The following PAFAH1B2 variants were observed in gnomAD, a reference collection of about 807,000 sequenced individuals.
PAFAH1B2 encodes platelet-activating factor acetylhydrolase IB subunit alpha2.
A neutral mutation model predicts 28.0 loss-of-function variants in PAFAH1B2; 8 were observed. The ratio of observed to expected loss-of-function variants is 0.29; its 90% CI spans 0.17 to 0.52. PAFAH1B2 has a LOEUF of 0.52. Ranked by LOEUF, PAFAH1B2 falls within the 20% of genes least tolerant of loss-of-function variation. The pLI, the probability that PAFAH1B2 is intolerant of heterozygous loss-of-function variation, is 0.97. For synonymous variants in PAFAH1B2, 104 were observed against 103.2 expected (o/e 1.01, Z -0.05); for missense variants, 190 against 282.6 (o/e 0.67, Z 2.35).
chr11:117,159,094 GAATAC>G (rs1213648154), intron 2 of PAFAH1B2, among the ~76,000 whole-genome samples: 1 of 152,182 alleles, frequency 6.6e-6, no homozygotes, highest in Non-Finnish European at 1.5e-5. Context: ...ATTAGTTGTT[GAATAC>G]AAGAGGCAGA....
chr11:117,175,834 G>A (rs922346700), downstream of PAFAH1B2: 125 of 1,384,916 alleles, frequency 9.0e-5, no homozygotes, highest in Non-Finnish European at 1.1e-4. Context: ...GAGAGGCTGT[G>A]GCAGATCGCT....
chr11:117,145,790 A>G (rs1955989741), intron 1 of PAFAH1B2, among the ~76,000 whole-genome samples: 1 of 152,174 alleles, frequency 6.6e-6, no homozygotes, highest in Non-Finnish European at 1.5e-5. Context: ...TTCTTGGTTC[A>G]ACTTTCTTCA....
downstream of PAFAH1B2, chr11:117,171,047 T>A: frequency 2.9e-6 from 3 of 1,028,932 alleles, no homozygotes; most frequent in South Asian, 1.4e-4. Flanking sequence ...TTTGCTCAAT[T>A]TGCTGGTGTC....
chr11:117,165,867 T>C (rs541651992), intron 5 of PAFAH1B2, among the ~76,000 whole-genome samples: 1 of 147,252 alleles, frequency 6.8e-6, no homozygotes, highest in South Asian at 2.1e-4. Context: ...TGAGATGGAG[T>C]CTCGCTCTAC....
chr11:117,172,206 C>G (rs1190902344), downstream of PAFAH1B2, among the ~76,000 whole-genome samples: 1 of 151,978 alleles, frequency 6.6e-6, no homozygotes, highest in Non-Finnish European at 1.5e-5. Flanking sequence ...ATTTTCCAGC[C>G]ATGGCAGAGA....
rs1956636295 is a variant in PAFAH1B2 at position 117,170,866 on chromosome 11, A to C, written c.*3167A>C. The C allele has an allele frequency of 2.8e-6, 3 of 1,060,630 alleles. No homozygotes were observed. Among genetic ancestry groups the C allele is most frequent in the Non-Finnish European group, 3.4e-6 (3 of 876,268 alleles). 65.7% of individuals were successfully genotyped at this position (1,060,630 alleles called of 1,614,324 possible). A position where few individuals can be genotyped will look rare whatever the true frequency, so the allele number is the denominator to read the frequency against. On this transcript the variant is annotated 3_prime_UTR_variant, in exon 6 of 6. Coordinates refer to ENST00000527958, the MANE Select transcript of PAFAH1B2 (RefSeq NM_002572.4). Reference sequence around the variant, plus strand: ...AAGTGAGTTAGGGCCTCTTGAAAGGAGGCTTTTTGGAGAGGGGTCCCCCAG... The same window carrying C: ...AAGTGAGTTAGGGCCTCTTGAAAGGCGGCTTTTTGGAGAGGGGTCCCCCAG...
At chr11:117,162,294 T>C (rs1490156426) in intron 4 of PAFAH1B2, among the ~76,000 whole-genome samples, 1 of 152,100 alleles carries the variant, frequency 6.6e-6, no homozygotes, top group African/African-American at 2.4e-5. Context: ...CCACCATGCT[T>C]AGCTAATTTT....
Position 117,169,560 on chromosome 11 carries a change from T to A in PAFAH1B2, c.*1861T>A. 9.5e-7 allele frequency: 1 copy of A among 1,055,888 alleles called. No individual in the cohort carries two copies. Among genetic ancestry groups the A allele is most frequent in the African/African-American group, 1.6e-5 (1 of 60,646 alleles). The allele number at this position is 1,055,888 out of a possible 1,614,324, so 65.4% of individuals were successfully genotyped here. A position where few individuals can be genotyped will look rare whatever the true frequency, so the allele number is the denominator to read the frequency against. ...GATGAACCTTGGGCTCATTTTTTTC[T>A]TGTGAAGTCTCTTTCTAGAAAATTT... is the stretch of plus-strand genomic sequence containing the variant. On this transcript the variant is annotated 3_prime_UTR_variant, in exon 6 of 6. Transcript: ENST00000527958.
chr11:117,170,330 C>T lies in PAFAH1B2; in HGVS notation c.*2631C>T. Reference sequence around the variant, plus strand: ...CTTCCTCTCCCAGCAAATTTGTATTCCTTCGCCCACGCATTCCTGCTATAC... The same window carrying T: ...CTTCCTCTCCCAGCAAATTTGTATTTCTTCGCCCACGCATTCCTGCTATAC... On this transcript the variant is annotated 3_prime_UTR_variant, in exon 6 of 6. Transcript: ENST00000527958. 9.4e-7 allele frequency: 1 copy of T among 1,061,180 alleles called. No homozygotes were observed. Among genetic ancestry groups the T allele is most frequent in the Non-Finnish European group, 1.1e-6 (1 of 877,606 alleles). The allele number at this position is 1,061,180 out of a possible 1,614,324, so 65.7% of individuals were successfully genotyped here.
downstream of PAFAH1B2, chr11:117,175,746 C>T (rs2029942668): frequency 5.7e-6 from 6 of 1,060,036 alleles, no homozygotes; most frequent in South Asian, 1.1e-4. Flanking sequence ...GCGTTTAAAA[C>T]AGGCGTAGGG....
intron 1 of PAFAH1B2, among the ~76,000 whole-genome samples, chr11:117,151,838 C>G (rs2134175777): frequency 6.6e-6 from 1 of 152,234 alleles, no homozygotes; most frequent in East Asian, 1.9e-4. Flanking sequence ...TCCCAAGTAG[C>G]TGGGACTACA....
intron 4 of PAFAH1B2, 21 bp from the exon 5 acceptor site, chr11:117,163,749 C>G: frequency 6.2e-7 from 1 of 1,611,600 alleles, no homozygotes; most frequent in Non-Finnish European, 8.5e-7. Flanking sequence ...TCTCCTTCCC[C>G]CCTTTTTTCT....
At chr11:117,175,050 T>TCTG, downstream of PAFAH1B2, 1 of 1,327,660 alleles carries the variant, frequency 7.5e-7, no homozygotes. Flanking sequence ...CAGCTGTGTG[T>TCTG]TGAATGGTCC....
At chr11:117,159,852 A>T in intron 2 of PAFAH1B2, 82 bp from the exon 3 acceptor site, 1 of 965,706 alleles carries the variant, frequency 1.0e-6, no homozygotes, top group Non-Finnish European at 1.7e-6. Context: ...TGGCCTCCCA[A>T]AATGTTGAGA....
chr11:117,145,314 T>G (rs573340349), intron 1 of PAFAH1B2, among the ~76,000 whole-genome samples: 5 of 152,280 alleles, frequency 3.3e-5, no homozygotes, highest in African/African-American at 9.6e-5. Flanking sequence ...TTTCAGAATT[T>G]ATACACAAAC....
downstream of PAFAH1B2, among the ~76,000 whole-genome samples, chr11:117,177,084 C>T (rs1304490901): frequency 6.6e-6 from 1 of 152,024 alleles, no homozygotes; most frequent in African/African-American, 2.4e-5. Context: ...GGCACATGGC[C>T]TGTAATCCCA....
At chr11:117,147,761 A>G (rs753946288) in intron 1 of PAFAH1B2, among the ~76,000 whole-genome samples, 2 of 152,240 alleles carry the variant, frequency 1.3e-5, no homozygotes, top group Non-Finnish European at 2.9e-5. Flanking sequence ...ATACTTTGCC[A>G]TTGTAGGGGA....
Position 117,149,114 on chromosome 11 carries a change from C to T in PAFAH1B2, c.-7-3327C>T, listed in dbSNP as rs12279830. 9.1e-3 allele frequency among the ~76,000 whole-genome samples: 1,362 copies of T among 150,024 alleles called. 25 individuals are homozygous for T. Among genetic ancestry groups the T allele is most frequent in the African/African-American group, 0.032 (1,293 of 40,808 alleles). ...GTCAGGCTGGTCTTGAACTTCTGACCTCAGGTAATCTACCTGCCTCGGGCT... is the reference window on the plus strand; with the variant it reads ...GTCAGGCTGGTCTTGAACTTCTGACTTCAGGTAATCTACCTGCCTCGGGCT... On this transcript the variant is annotated intron_variant, in intron 1 of 5. Coordinates refer to ENST00000527958, the MANE Select transcript of PAFAH1B2 (RefSeq NM_002572.4).
chr11:117,162,071 C>G (rs1956385808), intron 4 of PAFAH1B2, among the ~76,000 whole-genome samples: 1 of 152,140 alleles, frequency 6.6e-6, no homozygotes, highest in African/African-American at 2.4e-5. Flanking sequence ...AGTTGGCACA[C>G]TGTATATAAT....
Sources: allele counts gnomAD v4.1 joint callset (sites outside exome capture counted in the v4.1 genomes callset), GRCh38; gene constraint gnomAD v4.1.1; transcripts MANE v1.5; gene names NCBI Gene and HGNC (gene_info 2026-07-23, HGNC 2026-07-21).